The following RBPMS variants were observed in gnomAD, a reference collection of about 807,000 sequenced individuals.
RBPMS encodes RNA-binding protein with multiple splicing.
In RBPMS, 7 loss-of-function variants were observed where a neutral mutation model predicts 26.8. That is an observed-to-expected ratio of 0.26 (90% confidence interval 0.15 to 0.49). RBPMS has a LOEUF of 0.49. RBPMS is among the 20% of genes least tolerant of loss of function. RBPMS has a pLI of 0.98. For synonymous variants in RBPMS, 96 were observed against 93.3 expected, an observed-to-expected ratio of 1.03 and a Z score of -0.17; for missense variants, 186 against 250.0, an observed-to-expected ratio of 0.74 and a Z score of 1.73.
chr8:30,427,415 C>T (rs976637441), intron 1 of RBPMS, among the ~76,000 whole-genome samples: 1 of 152,220 alleles, frequency 6.6e-6, no homozygotes, highest in Non-Finnish European at 1.5e-5. Flanking sequence ...TCCCTCACCT[C>T]ACACTGAGTT....
chr8:30,440,509 T>G (rs1187439513), intron 1 of RBPMS, among the ~76,000 whole-genome samples: 1 of 152,200 alleles, frequency 6.6e-6, no homozygotes, highest in African/African-American at 2.4e-5. Context: ...TGTCGTAGCG[T>G]GTGCCAGAAT....
In RBPMS at chr8:30,491,861, T is replaced by C. The variant is rs1264484861; in HGVS notation, c.247-12425T>C. ...CTGCCTACCTCACAAGTAGGACTTA[T>C]TCTTCATGTGCTTTTCCATGTAGAC... On this transcript the variant is annotated intron_variant, in intron 4 of 8. Coordinates refer to ENST00000397323, the MANE Select transcript of RBPMS (RefSeq NM_001008710.3). Among the ~76,000 whole-genome samples, 5 of 152,318 alleles carry C rather than the reference T, an allele frequency of 3.3e-5. No homozygotes were observed. In the East Asian group the frequency reaches 9.7e-4, roughly 29 times the overall value.
In RBPMS at chr8:30,437,918, T is replaced by C. The variant is rs577647335; in HGVS notation, c.67-36861T>C. On this transcript the variant is annotated intron_variant, in intron 1 of 8. Transcript: ENST00000397323. Reference sequence around the variant, plus strand: ...AGGTTGCAATGGACCAAGATTGTGCTACTGCACTCCAGCCTGGGTGACAGA... The same window carrying C: ...AGGTTGCAATGGACCAAGATTGTGCCACTGCACTCCAGCCTGGGTGACAGA... Among the ~76,000 whole-genome samples the C allele has an allele frequency of 1.5e-4, 22 of 149,966 alleles. No homozygotes were observed. The South Asian group carries it at 4.6e-3, about 32-fold the overall frequency.
At chr8:30,544,933 G>A in intron 6 of RBPMS, 1 of 1,475,838 alleles carries the variant, frequency 6.8e-7, no homozygotes, top group Non-Finnish European at 9.0e-7. Context: ...TAGCTAGAGG[G>A]CATCACCAGA....
chr8:30,566,199 G>A, intron 7 of RBPMS, 58 bp from the exon 8 acceptor site: 1 of 952,766 alleles, frequency 1.0e-6, no homozygotes, highest in Non-Finnish European at 1.3e-6. Context: ...TCAAGACCGA[G>A]GCAGCCCCAG....
intron 4 of RBPMS, among the ~76,000 whole-genome samples, chr8:30,482,596 T>C (rs1818393304): frequency 6.6e-6 from 1 of 152,230 alleles, no homozygotes; most frequent in South Asian, 2.1e-4. Context: ...GTTGTAACAG[T>C]GAACTTTTAT....
chr8:30,526,395 C>T (rs993032236), intron 5 of RBPMS, among the ~76,000 whole-genome samples: 2 of 152,034 alleles, frequency 1.3e-5, no homozygotes, highest in South Asian at 2.1e-4. Context: ...ATTGCTCTAC[C>T]GTGTTGGTTA....
intron 1 of RBPMS, among the ~76,000 whole-genome samples, chr8:30,454,146 G>A (rs17538182): frequency 0.25 from 37,526 of 152,080 alleles, 4,999 homozygotes; most frequent in East Asian, 0.42. Context: ...CCCAGCAGCA[G>A]TAAAGAGGCA....
At chr8:30,557,030 C>T (rs1238561344) in intron 6 of RBPMS, among the ~76,000 whole-genome samples, 1 of 152,184 alleles carries the variant, frequency 6.6e-6, no homozygotes, top group African/African-American at 2.4e-5. Context: ...TGACCCCAGC[C>T]CTGCCTTAAA....
chr8:30,458,299 A>C lies in RBPMS; in HGVS notation c.67-16480A>C, dbSNP rs115089517. Among the ~76,000 whole-genome samples the C allele has an allele frequency of 9.5e-3, 1,452 of 152,330 alleles. 26 individuals carry two copies. The highest frequency in any genetic ancestry group is 0.034 in the African/African-American group (1,408 of 41,570). ...GGCCTACTGAATTTGTTTAACAAAA[A>C]AACCTTGGGTCCTACTTAGTCTCTC... On this transcript the variant is annotated intron_variant, in intron 1 of 8. Coordinates refer to ENST00000397323, the MANE Select transcript of RBPMS (RefSeq NM_001008710.3).
At chr8:30,563,484 T>C (rs186365735) in intron 7 of RBPMS, among the ~76,000 whole-genome samples, 122 of 152,336 alleles carry the variant, frequency 8.0e-4, no homozygotes, top group Middle Eastern at 3.4e-3. Flanking sequence ...AGAACCAGCG[T>C]TTGGGAGCCA....
intron 6 of RBPMS, among the ~76,000 whole-genome samples, chr8:30,557,189 CGT>C (rs1827008726): frequency 6.6e-6 from 1 of 152,188 alleles, no homozygotes; most frequent in Non-Finnish European, 1.5e-5. Context: ...CTGACGGAGT[CGT>C]GGTGCAGGCA....
chr8:30,433,671 T>A (rs61571556), intron 1 of RBPMS, among the ~76,000 whole-genome samples: 1,719 of 152,118 alleles, frequency 0.011, 31 homozygotes, highest in African/African-American at 0.04. Flanking sequence ...AGATCTTGTC[T>A]TAAAGACAAA....
In RBPMS at chr8:30,566,369, C is replaced by CAG. The variant is rs3832548; in HGVS notation, c.*111+10_*111+11dup. The stretch of plus-strand genomic sequence containing the variant: ...AAAACTGGAGCATGCTGGTGAGTAA[C>CAG]AGTCAGGGCTGAACAAGCCCTCAGG... On this transcript the variant is annotated intron_variant, in intron 8 of 8. Transcript: ENST00000397323. 691,417 of 887,080 alleles carry CAG rather than the reference C, an allele frequency of 0.78. 271,367 individuals carry two copies. Among genetic ancestry groups the CAG allele is most frequent in the African/African-American group, 0.9 (49,622 of 55,316 alleles). The allele number at this position is 887,080 out of a possible 1,614,324, so 55.0% of individuals were successfully genotyped here.
chr8:30,519,458 CTTTTTTTT>C lies in RBPMS; in HGVS notation c.397+15057_397+15064del, dbSNP rs36017963. 1.0e-4 allele frequency among the ~76,000 whole-genome samples: 9 copies of C among 89,460 alleles called. 3 individuals are homozygous for C. The highest frequency in any genetic ancestry group is 3.9e-4 in the African/African-American group (9 of 22,816). The allele number at this position is 89,460 out of a possible 152,430, so 58.7% of individuals were successfully genotyped here. On this transcript the variant is annotated intron_variant, in intron 5 of 8. Coordinates refer to ENST00000397323, the MANE Select transcript of RBPMS (RefSeq NM_001008710.3). ...TCACCCTACGTGGGAGGATCTCTCT[CTTTTTTTT>C]TTTTTTTTTTTTTTTTTTTTTTTTT...
At chr8:30,462,991 A>C (rs1028570404) in intron 1 of RBPMS, among the ~76,000 whole-genome samples, 3 of 152,114 alleles carry the variant, frequency 2.0e-5, no homozygotes, top group African/African-American at 4.8e-5. Context: ...TGAGTTATGC[A>C]TTGGTTCCTT....
At chr8:30,456,631 T>A (rs553379747) in intron 1 of RBPMS, among the ~76,000 whole-genome samples, 1 of 152,136 alleles carries the variant, frequency 6.6e-6, no homozygotes, top group Non-Finnish European at 1.5e-5. Context: ...ACAAATTACC[T>A]GTAATTAACA....
At chr8:30,520,213 C>G (rs555027860) in intron 5 of RBPMS, among the ~76,000 whole-genome samples, 1 of 152,066 alleles carries the variant, frequency 6.6e-6, no homozygotes, top group Non-Finnish European at 1.5e-5. Flanking sequence ...GGTTGTTTAC[C>G]CTGAAATACA....
chr8:30,536,002 TAATG>T (rs754406242), intron 5 of RBPMS, among the ~76,000 whole-genome samples: 2 of 151,990 alleles, frequency 1.3e-5, no homozygotes, highest in Admixed American at 6.6e-5. Flanking sequence ...AATCAATAAA[TAATG>T]AATGAATGAA....
Sources: allele counts gnomAD v4.1 joint callset (sites outside exome capture counted in the v4.1 genomes callset), GRCh38; gene constraint gnomAD v4.1.1; transcripts MANE v1.5; gene names NCBI Gene and HGNC (gene_info 2026-07-23, HGNC 2026-07-21).